The following SYNE3 variants were observed in gnomAD, a reference collection of about 807,000 sequenced individuals.
SYNE3 encodes the protein spectrin repeat containing nuclear envelope family member 3.
Under a neutral mutation model 111.2 loss-of-function variants are expected in SYNE3, and 100 were observed. That is an observed-to-expected ratio of 0.90 (90% CI 0.77 to 1.06). The LOEUF is 1.06. Among genes scored for constraint, SYNE3 ranks in the 50% least tolerant of loss-of-function variants. The pLI, the probability that SYNE3 is intolerant of heterozygous loss-of-function variation, is 0.00. For synonymous variants in SYNE3, 547 were observed against 533.9 expected, an observed-to-expected ratio of 1.02 and a Z score of -0.34; for missense variants, 1,160 against 1,240.3, an observed-to-expected ratio of 0.94 and a Z score of 0.97.
intron 1 of SYNE3, among the ~76,000 whole-genome samples, chr14:95,504,035 G>A (rs1486226738): frequency 6.6e-6 from 1 of 152,146 alleles, no homozygotes; most frequent in Non-Finnish European, 1.5e-5. Flanking sequence ...ATGGCCCACT[G>A]CCTGTTTCTG....
At chr14:95,479,224 CAAAAAAAAAAA>C (rs71132351) in intron 1 of SYNE3, among the ~76,000 whole-genome samples, 11 of 86,330 alleles carry the variant, frequency 1.3e-4, no homozygotes, top group South Asian at 1.1e-3. Flanking sequence ...TCGTCTCTAC[CAAAAAAAAAAA>C]AAAAAAAAAA....
chr14:95,442,432 G>T (rs571632529), intron 11 of SYNE3, among the ~76,000 whole-genome samples: 1 of 152,162 alleles, frequency 6.6e-6, no homozygotes, highest in Non-Finnish European at 1.5e-5. Context: ...ATGAAATAGG[G>T]CGTGCAATGT....
rs1055724614 is a variant in SYNE3 at position 95,470,090 on chromosome 14, C to A, written c.145-2123G>T. Among the ~76,000 whole-genome samples the A allele has an allele frequency of 6.6e-6, 1 of 152,016 alleles. No homozygotes were observed. The highest frequency in any genetic ancestry group is 6.6e-5 in the Admixed American group (1 of 15,258). On this transcript the variant is annotated intron_variant, in intron 2 of 17. Coordinates refer to ENST00000682763, the MANE Select transcript of SYNE3 (RefSeq NM_152592.6). The surrounding 1 kb of genome is among the most constrained non-coding windows in gnomAD (Gnocchi z 4.2). Reference sequence around the variant, plus strand: ...GCCAAGTAGCAGGATGTGGCAGGGGCCCAGGGGGTGGTGGCCACAGCAAGT... The same window carrying A: ...GCCAAGTAGCAGGATGTGGCAGGGGACCAGGGGGTGGTGGCCACAGCAAGT...
At chr14:95,436,542 A>G (rs1308289207) in intron 15 of SYNE3, among the ~76,000 whole-genome samples, 1 of 152,202 alleles carries the variant, frequency 6.6e-6, no homozygotes, top group Admixed American at 6.5e-5. Flanking sequence ...AACTGTTGGG[A>G]TGGTGTGTCA....
chr14:95,439,044 G>C lies in SYNE3; in HGVS notation c.2365C>G (p.His789Asp), dbSNP rs1886257336. The C allele has an allele frequency of 6.2e-7, 1 of 1,614,222 alleles. No homozygotes were observed. The highest frequency in any genetic ancestry group is 1.3e-5 in the African/African-American group (1 of 75,062). Residue 789 changes from histidine (H) to aspartate (D), a missense_variant, in exon 14 of 18, where the codon CAT becomes GAT. His to Asp is a moderately conservative substitution (Grantham distance 81). Coordinates refer to ENST00000682763, the MANE Select transcript of SYNE3 (RefSeq NM_152592.6). ...LINPMDPIPR[H>D]RRRANLLQEE... ...CTAGACAGACTCACGCGTCGACGAT[G>C]CCTGGGAATAGGATCCATGGGATTG...
intron 1 of SYNE3, among the ~76,000 whole-genome samples, chr14:95,487,657 T>C (rs1276060423): frequency 1.3e-5 from 2 of 152,164 alleles, no homozygotes; most frequent in Non-Finnish European, 2.9e-5. Flanking sequence ...AAAATGAACA[T>C]ACCCGCCTCC....
intron 17 of SYNE3, among the ~76,000 whole-genome samples, chr14:95,420,490 G>A (rs1236574659): frequency 1.3e-5 from 2 of 152,098 alleles, no homozygotes; most frequent in Non-Finnish European, 2.9e-5. Flanking sequence ...TTCAAGAGAG[G>A]GGCTGTGCCT....
At chr14:95,448,045 TA>T (rs1886821897) in intron 8 of SYNE3, among the ~76,000 whole-genome samples, 2 of 152,250 alleles carry the variant, frequency 1.3e-5, no homozygotes, top group Non-Finnish European at 2.9e-5. Context: ...TGATCACTTT[TA>T]TTTGAATGAT....
At chr14:95,430,479 T>C (rs1041741506) in intron 17 of SYNE3, among the ~76,000 whole-genome samples, 1 of 152,192 alleles carries the variant, frequency 6.6e-6, no homozygotes, top group African/African-American at 2.4e-5. Flanking sequence ...TATACAACAG[T>C]TCACACGATC....
chr14:95,483,008 A>G (rs1595246366), intron 1 of SYNE3, among the ~76,000 whole-genome samples: 1 of 152,062 alleles, frequency 6.6e-6, no homozygotes, highest in African/African-American at 2.4e-5. Context: ...CCCTCCCAGA[A>G]CCCCACTGGT....
chr14:95,429,268 A>G (rs956212214), intron 17 of SYNE3, among the ~76,000 whole-genome samples: 1 of 152,240 alleles, frequency 6.6e-6, no homozygotes, highest in African/African-American at 2.4e-5. Context: ...CATGGTTACA[A>G]CAGGAACTTT....
At chr14:95,482,862 AATGATACT>A (rs1889340808) in intron 1 of SYNE3, among the ~76,000 whole-genome samples, 2 of 152,210 alleles carry the variant, frequency 1.3e-5, no homozygotes, top group Non-Finnish European at 2.9e-5. Flanking sequence ...AAACAGGTTT[AATGATACT>A]AACAACGCTG....
chr14:95,476,698 TAA>T (rs1281364769), intron 1 of SYNE3, among the ~76,000 whole-genome samples: 1 of 152,284 alleles, frequency 6.6e-6, no homozygotes, highest in Non-Finnish European at 1.5e-5. Context: ...TGCTTTGAAC[TAA>T]AGTTATTTGT....
At chr14:95,487,867 G>A (rs1167499860) in intron 1 of SYNE3, among the ~76,000 whole-genome samples, 1 of 151,948 alleles carries the variant, frequency 6.6e-6, no homozygotes, top group Non-Finnish European at 1.5e-5. Context: ...CTCATACACA[G>A]ATGTCTTCTG....
At chr14:95,512,835 G>A (rs763945988) in intron 1 of SYNE3, among the ~76,000 whole-genome samples, 2 of 152,104 alleles carry the variant, frequency 1.3e-5, no homozygotes, top group Non-Finnish European at 2.9e-5. Context: ...TCCAGCCTGG[G>A]TGACAGAGCA....
In SYNE3 at chr14:95,514,291, G is replaced by A. The variant is rs549693492; in HGVS notation, c.-15+2305C>T. ...CGGTGTAGGACACTGCTCCTGGGTT[G>A]ACCAATGGGCCACATCAATGGGTCA... On this transcript the variant is annotated intron_variant, in intron 1 of 17. Transcript: ENST00000682763. Among the ~76,000 whole-genome samples the A allele has an allele frequency of 1.1e-4, 16 of 152,350 alleles. No individual in the cohort carries two copies. The East Asian group carries it at 2.9e-3, about 28-fold the overall frequency.
intron 3 of SYNE3, 86 bp from the exon 4 acceptor site, chr14:95,466,326 T>C (rs1888175100): frequency 7.0e-7 from 1 of 1,424,796 alleles, no homozygotes. Flanking sequence ...CCCTCCCCAA[T>C]ACTAGGGGGC....
intron 17 of SYNE3, among the ~76,000 whole-genome samples, chr14:95,418,589 C>CA (rs1414791636): frequency 6.6e-6 from 1 of 152,010 alleles, no homozygotes; most frequent in Non-Finnish European, 1.5e-5. Flanking sequence ...TTTCCTCCCC[C>CA]TCTTCCTTTT....
intron 4 of SYNE3, among the ~76,000 whole-genome samples, chr14:95,457,982 G>A (rs1242041826): frequency 1.3e-5 from 2 of 152,170 alleles, no homozygotes; most frequent in Non-Finnish European, 2.9e-5. Flanking sequence ...CCATGAATAC[G>A]GTGATGTGTG....
Sources: gnomAD v4.1 joint callset for allele counts (sites outside exome capture counted in the v4.1 genomes callset) on GRCh38, gnomAD v4.1.1 for gene constraint, Gnocchi (gnomAD v3.1) non-coding constraint, MANE v1.5 for transcripts, NCBI Gene and HGNC (gene_info 2026-07-23, HGNC 2026-07-21) for gene names.